CNDP1: variants seen among roughly 807,000 people sequenced by gnomAD.
The protein encoded by CNDP1 is carnosine dipeptidase 1, also known as beta-Ala-His dipeptidase.
A neutral mutation model predicts 58.1 loss-of-function variants in CNDP1; 44 were observed. The observed-to-expected ratio is 0.76, with a 90% CI of 0.60 to 0.97. CNDP1 has a LOEUF of 0.97. CNDP1 is among the 50% of genes least tolerant of loss of function. CNDP1 has a pLI of 0.00. For missense variants in CNDP1, 616 were observed against 655.1 expected (o/e 0.94, Z 0.65); for synonymous variants, 254 against 252.6 (o/e 1.01, Z -0.05).
intron 7 of CNDP1, among the ~76,000 whole-genome samples, chr18:74,573,211 A>G (rs1479277730): frequency 1.3e-5 from 2 of 150,884 alleles, no homozygotes; most frequent in Admixed American, 1.3e-4. Context: ...CCATCTACCT[A>G]TCATCTATCC....
At chr18:74,538,559 T>G (rs1290307978) in intron 1 of CNDP1, among the ~76,000 whole-genome samples, 1 of 152,094 alleles carries the variant, frequency 6.6e-6, no homozygotes, top group Non-Finnish European at 1.5e-5. Context: ...TACCTGGGAG[T>G]GGAATTGCCG....
intron 10 of CNDP1, among the ~76,000 whole-genome samples, chr18:74,582,923 GCTCT>G (rs1391813568): frequency 6.6e-5 from 10 of 152,086 alleles, no homozygotes; most frequent in Non-Finnish European, 1.5e-5. Context: ...ATAGATGGGA[GCTCT>G]CTCTCTACTA....
intron 2 of CNDP1, 43 bp from the exon 3 acceptor site, chr18:74,559,280 T>A: frequency 6.2e-7 from 1 of 1,610,586 alleles, no homozygotes; most frequent in Middle Eastern, 1.7e-4. Context: ...GCAGAGCAGA[T>A]GTGGGACCCC....
intron 5 of CNDP1, among the ~76,000 whole-genome samples, chr18:74,563,085 G>A (rs1341657536): frequency 2.0e-5 from 3 of 152,172 alleles, no homozygotes; most frequent in African/African-American, 7.2e-5. Flanking sequence ...CTGGGCTTCT[G>A]GGGTGTCTTT....
chr18:74,545,549 G>A lies in CNDP1; in HGVS notation c.25-10789G>A, dbSNP rs960882998. 2.0e-5 allele frequency among the ~76,000 whole-genome samples: 3 copies of A among 152,088 alleles called. No individual in the cohort carries two copies. The highest frequency in any genetic ancestry group is 2.0e-4 in the Admixed American group (3 of 15,274). On this transcript the variant is annotated intron_variant, in intron 1 of 11. Transcript: ENST00000358821. The surrounding 1 kb of genome is among the most constrained non-coding windows in gnomAD (Gnocchi z 4.1). ...TGGCCCACGGTCCCACCAAAACCCT[G>A]CCAGGCTCTCCTCTCCTGACTCCGT...
intron 4 of CNDP1, chr18:74,561,636 A>C (rs1281224479): frequency 5.8e-6 from 1 of 171,578 alleles, no homozygotes; most frequent in Non-Finnish European, 1.3e-5. Flanking sequence ...AGAAAGGTTA[A>C]TAGAGATATA....
At chr18:74,568,853 C>T (rs899887338) in intron 6 of CNDP1, among the ~76,000 whole-genome samples, 1 of 152,092 alleles carries the variant, frequency 6.6e-6, no homozygotes, top group Non-Finnish European at 1.5e-5. Context: ...TGGCTTTCTG[C>T]AGCATGCTCA....
intron 3 of CNDP1, 111 bp downstream of exon 3, chr18:74,559,583 A>G: frequency 1.1e-6 from 1 of 914,498 alleles, no homozygotes; most frequent in South Asian, 1.8e-5. Context: ...ACAACCCCCC[A>G]TAACCCCAAT....
rs1981932632 is a variant in CNDP1, at chr18:74,587,108, G to C, written c.*2546G>C. On this transcript the variant is annotated 3_prime_UTR_variant, in exon 12 of 12. Coordinates refer to ENST00000358821, the MANE Select transcript of CNDP1 (RefSeq NM_032649.6). ...CTATTGTGATAAGTTTAGGGGTTAG[G>C]AATATCATTTGAGTTTGGTAGATGC... 6.6e-6 allele frequency: 1 copy of C among 152,218 alleles called. No individual in the cohort carries two copies. The highest frequency in any genetic ancestry group is 2.4e-5 in the African/African-American group (1 of 41,458). 9.4% of individuals were successfully genotyped at this position (152,218 alleles called of 1,614,324 possible).
intron 1 of CNDP1, among the ~76,000 whole-genome samples, chr18:74,547,914 T>C (rs1485082207): frequency 1.3e-5 from 2 of 152,102 alleles, no homozygotes; most frequent in African/African-American, 4.8e-5. Context: ...TCTAAAAATC[T>C]AAGAATAACC....
At chr18:74,561,158 T>A in intron 4 of CNDP1, 140 bp downstream of exon 4, 3 of 1,045,906 alleles carry the variant, frequency 2.9e-6, no homozygotes, top group Non-Finnish European at 4.1e-6. Flanking sequence ...CTCACGCTTG[T>A]AATCCCAGCA....
intron 1 of CNDP1, among the ~76,000 whole-genome samples, chr18:74,539,971 CAT>C (rs1980576563): frequency 6.6e-6 from 1 of 152,194 alleles, no homozygotes; most frequent in African/African-American, 2.4e-5. Context: ...AAGGTGAGCA[CAT>C]GTGTGTATAT....
intron 8 of CNDP1, chr18:74,577,811 T>C (rs1599102261): frequency 5.5e-6 from 1 of 182,816 alleles, no homozygotes. Flanking sequence ...AAATTTATAA[T>C]TGAACCCACG....
intron 6 of CNDP1, among the ~76,000 whole-genome samples, chr18:74,570,381 C>G (rs983430272): frequency 3.9e-5 from 6 of 152,018 alleles, no homozygotes; most frequent in Admixed American, 1.3e-4. Context: ...CTGGGCAGAG[C>G]CTTTGGTGGC....
chr18:74,565,475 A>C (rs1165584040), intron 5 of CNDP1, among the ~76,000 whole-genome samples: 2 of 152,246 alleles, frequency 1.3e-5, no homozygotes, highest in Non-Finnish European at 2.9e-5. Flanking sequence ...TCCTAGATAC[A>C]ATGTCAGTAC....
intron 7 of CNDP1, among the ~76,000 whole-genome samples, chr18:74,572,263 G>T (rs1223287800): frequency 2.0e-5 from 3 of 152,066 alleles, no homozygotes; most frequent in East Asian, 1.9e-4. Flanking sequence ...TTCACCTACA[G>T]CTCTTCTAGG....
At chr18:74,574,969 G>C (rs919444240) in intron 7 of CNDP1, among the ~76,000 whole-genome samples, 4 of 139,550 alleles carry the variant, frequency 2.9e-5, no homozygotes, top group African/African-American at 1.1e-4. Flanking sequence ...CTCAAAAAAA[G>C]GAAAGAAAGA....
At chr18:74,577,954 G>T in intron 8 of CNDP1, 1 of 488,000 alleles carries the variant, frequency 2.0e-6, no homozygotes, top group Non-Finnish European at 3.6e-6. Context: ...TCAATGGGGA[G>T]CATTGGTAGT....
intron 1 of CNDP1, among the ~76,000 whole-genome samples, chr18:74,542,335 G>A (rs1980646536): frequency 6.6e-6 from 1 of 152,220 alleles, no homozygotes; most frequent in Non-Finnish European, 1.5e-5. Context: ...CTTTTAAGGT[G>A]CACTGAACAG....
Sources: gnomAD v4.1 joint callset for allele counts (sites outside exome capture counted in the v4.1 genomes callset) on GRCh38, gnomAD v4.1.1 for gene constraint, Gnocchi (gnomAD v3.1) non-coding constraint, MANE v1.5 for transcripts, NCBI Gene and HGNC (gene_info 2026-07-23, HGNC 2026-07-21) for gene names.